The following MACROD1 variants were observed in gnomAD, a reference collection of about 807,000 sequenced individuals.
MACROD1 encodes the protein mono-ADP ribosylhydrolase 1.
MACROD1 carries 31 observed loss-of-function variants against 41.4 expected under a neutral mutation model. The ratio of observed to expected loss-of-function variants is 0.75; its 90% CI spans 0.56 to 1.01. MACROD1 has a LOEUF of 1.01. Ranked by LOEUF, MACROD1 falls within the 50% of genes least tolerant of loss-of-function variation. MACROD1 has a pLI of 0.00. For synonymous variants in MACROD1, 252 were observed against 203.4 expected, an observed-to-expected ratio of 1.24 and a Z score of -2.03; for missense variants, 473 against 460.0, an observed-to-expected ratio of 1.03 and a Z score of -0.26.
intron 3 of MACROD1, among the ~76,000 whole-genome samples, chr11:64,125,618 G>A (rs1296856820): frequency 6.6e-6 from 1 of 152,208 alleles, no homozygotes; most frequent in Non-Finnish European, 1.5e-5. Flanking sequence ...TTACCTCTTG[G>A]AAGCACCTCG....
intron 3 of MACROD1, among the ~76,000 whole-genome samples, chr11:64,093,083 C>A (rs546120495): frequency 7.2e-5 from 11 of 152,148 alleles, no homozygotes; most frequent in Admixed American, 3.9e-4. Flanking sequence ...CTGGAGCAGA[C>A]CCCCTGTGGG....
intron 3 of MACROD1, among the ~76,000 whole-genome samples, chr11:64,144,019 G>A (rs561648881): frequency 1.3e-5 from 2 of 152,006 alleles, no homozygotes; most frequent in East Asian, 3.9e-4. Context: ...GGGTCTCCCT[G>A]TCCTTATTAT....
At chr11:64,077,714 G>A (rs551386898) in intron 3 of MACROD1, among the ~76,000 whole-genome samples, 2 of 152,204 alleles carry the variant, frequency 1.3e-5, no homozygotes, top group African/African-American at 4.8e-5. Flanking sequence ...CATTCAAACA[G>A]GTCTCAGGGG....
chr11:64,054,409 T>TGAG (rs1943747016), intron 3 of MACROD1, among the ~76,000 whole-genome samples: 1 of 152,230 alleles, frequency 6.6e-6, no homozygotes, highest in African/African-American at 2.4e-5. Flanking sequence ...CTTTGAGCTC[T>TGAG]TCTGCAAACA....
chr11:64,147,985 C>T (rs113974579), intron 3 of MACROD1, among the ~76,000 whole-genome samples: 2,360 of 152,150 alleles, frequency 0.016, 35 homozygotes, highest in South Asian at 0.09. Flanking sequence ...GTGATCCTCT[C>T]GTCTCGGCCT....
intron 3 of MACROD1, among the ~76,000 whole-genome samples, chr11:64,029,597 G>A (rs1340960888): frequency 2.0e-5 from 3 of 151,670 alleles, no homozygotes; most frequent in East Asian, 3.9e-4. Context: ...CCATCCAGAA[G>A]GCCCAGTCTC....
intron 4 of MACROD1, among the ~76,000 whole-genome samples, chr11:64,011,727 T>G (rs1017094596): frequency 6.6e-6 from 1 of 151,822 alleles, no homozygotes; most frequent in East Asian, 1.9e-4. Flanking sequence ...AGGATGGCCC[T>G]TGTGCGTGTT....
chr11:64,052,948 ATC>A (rs1312088469), intron 3 of MACROD1, among the ~76,000 whole-genome samples: 2 of 152,190 alleles, frequency 1.3e-5, no homozygotes, highest in African/African-American at 4.8e-5. Flanking sequence ...GGTCAGGGCC[ATC>A]TCTCTTTCCC....
rs1050392421 is a variant in MACROD1, at chr11:64,027,648, G to A, written c.518-12367C>T. On this transcript the variant is annotated intron_variant, in intron 3 of 10. Transcript: ENST00000255681. ...CTCATTCATGTCTAGCCCACCCAGA[G>A]GCTCAGGTCTTAACCTCTGGGGTTA... Among the ~76,000 whole-genome samples the A allele has an allele frequency of 4.6e-5, 7 of 152,264 alleles. No individual in the cohort carries two copies. In the East Asian group the frequency reaches 1.4e-3, roughly 29 times the overall value.
chr11:64,156,354 G>A (rs1590977891), intron 1 of MACROD1, among the ~76,000 whole-genome samples: 2 of 152,344 alleles, frequency 1.3e-5, no homozygotes, highest in South Asian at 2.1e-4. Flanking sequence ...GCCTTGGCAT[G>A]CCACTGTGTG....
At chr11:64,145,795 C>A (rs549540671) in intron 3 of MACROD1, among the ~76,000 whole-genome samples, 498 of 152,260 alleles carry the variant, frequency 3.3e-3, no homozygotes, top group Non-Finnish European at 6.2e-3. Flanking sequence ...TGGAATCTTG[C>A]TCTGTCACCC....
chr11:64,068,726 C>A (rs1451568926), intron 3 of MACROD1, among the ~76,000 whole-genome samples: 1 of 152,230 alleles, frequency 6.6e-6, no homozygotes, highest in East Asian at 1.9e-4. Flanking sequence ...AGAGAAGCTG[C>A]AGCTGGGACA....
chr11:64,117,224 C>G (rs973224653), intron 3 of MACROD1: 1 of 1,614,208 alleles, frequency 6.2e-7, no homozygotes, highest in African/African-American at 1.3e-5. Context: ...ACCTGGGGAA[C>G]CTGGCCCAGC....
At chr11:64,037,874 GGATT>G (rs894138175) in intron 3 of MACROD1, among the ~76,000 whole-genome samples, 2 of 152,310 alleles carry the variant, frequency 1.3e-5, no homozygotes, top group Non-Finnish European at 2.9e-5. Context: ...TGGTAAAATG[GGATT>G]GATAGTGCCA....
Position 64,022,357 on chromosome 11 carries a change from C to T in MACROD1, c.518-7076G>A, listed in dbSNP as rs183510468. On this transcript the variant is annotated intron_variant, in intron 3 of 10. Transcript: ENST00000255681. ...CACAAAGTGTGTCCCCAGCATCCTC[C>T]TCACCCTCCCCGAGCTCAGATCCCC... is the stretch of plus-strand genomic sequence containing the variant. 1.6e-3 allele frequency among the ~76,000 whole-genome samples: 249 copies of T among 152,224 alleles called. 5 individuals are homozygous for T. Among genetic ancestry groups the T allele is most frequent in the Non-Finnish European group, 2.0e-3 (133 of 68,002 alleles).
At chr11:64,040,589 C>T (rs1269438477) in intron 3 of MACROD1, among the ~76,000 whole-genome samples, 4 of 152,220 alleles carry the variant, frequency 2.6e-5, no homozygotes, top group African/African-American at 4.8e-5. Context: ...GTCCCCTTTT[C>T]CCGAGAGCTG....
In MACROD1 at chr11:64,132,525, C is replaced by T. The variant is rs140409335; in HGVS notation, c.517+18714G>A. On this transcript the variant is annotated intron_variant, in intron 3 of 10. Transcript: ENST00000255681. ...AGGGCTTCAGGGCAGTTGCCAGGGACGGGCGGGTCCTGAGCAGGCCCTCCC... is the reference window on the plus strand; with the variant it reads ...AGGGCTTCAGGGCAGTTGCCAGGGATGGGCGGGTCCTGAGCAGGCCCTCCC... Among the ~76,000 whole-genome samples, 167 of 152,230 alleles carry T rather than the reference C, an allele frequency of 1.1e-3. 2 individuals carry two copies. The East Asian group carries it at 0.02, about 19-fold the overall frequency.
chr11:64,161,393 G>A (rs536701494), intron 1 of MACROD1, among the ~76,000 whole-genome samples: 8 of 152,312 alleles, frequency 5.3e-5, no homozygotes, highest in Admixed American at 5.2e-4. Context: ...AGTGAAAAGA[G>A]GCGACTTCTG....
intron 2 of MACROD1, 50 bp downstream of exon 2, chr11:64,152,242 G>T: frequency 6.5e-7 from 1 of 1,529,710 alleles, no homozygotes; most frequent in Non-Finnish European, 9.1e-7. Flanking sequence ...ATTCTCCCAA[G>T]CCACGGGTCT....
Sources: allele counts gnomAD v4.1 joint callset (sites outside exome capture counted in the v4.1 genomes callset), GRCh38; gene constraint gnomAD v4.1.1; transcripts MANE v1.5; gene names NCBI Gene and HGNC (gene_info 2026-07-23, HGNC 2026-07-21).